The following MYH15 variants were observed in gnomAD, a reference collection of about 807,000 sequenced individuals.
MYH15 encodes the protein myosin-15.
Under a neutral mutation model 240.5 loss-of-function variants are expected in MYH15, and 227 were observed. The ratio of observed to expected loss-of-function variants is 0.94; its 90% CI spans 0.85 to 1.05. The LOEUF is 1.05. Among genes scored for constraint, MYH15 ranks in the 50% least tolerant of loss-of-function variants. The pLI is 0.00. For missense variants in MYH15, 2,217 were observed against 2,247.5 expected (o/e 0.99, Z 0.27); for synonymous variants, 785 against 796.7 (o/e 0.99, Z 0.25).
At chr3:108,489,460 G>A (rs2083330347) in intron 9 of MYH15, among the ~76,000 whole-genome samples, 2 of 152,288 alleles carry the variant, frequency 1.3e-5, no homozygotes, top group South Asian at 2.1e-4. Flanking sequence ...AAGAACTAAG[G>A]ATTTTGAATG....
chr3:108,470,764 C>G lies in MYH15; in HGVS notation c.1317G>C (p.Leu439=). ...KWLVARINRA[L]DAKLSRQFFI... ...AGAACTGCCTTGACAGCTTGGCATC[C>G]AGGGCCCTGTTGATCCGTGCCACTA... The change falls in exon 13 of 41, where the codon CTG becomes CTC. Residue 439 remains leucine (L), a synonymous_variant. Coordinates refer to ENST00000693548, the MANE Select transcript of MYH15 (RefSeq NM_014981.3). 1 of 1,613,822 alleles carries G rather than the reference C, an allele frequency of 6.2e-7. No homozygotes were observed. Among genetic ancestry groups the G allele is most frequent in the Non-Finnish European group, 8.5e-7 (1 of 1,179,854 alleles).
At chr3:108,464,565 C>A (rs2083097398) in intron 15 of MYH15, 73 bp downstream of exon 15, 3 of 1,365,740 alleles carry the variant, frequency 2.2e-6, no homozygotes, top group Admixed American at 2.2e-5. Flanking sequence ...TAAATATCAT[C>A]TAAGGACTTT....
chr3:108,415,362 A>G (rs1285639236), intron 29 of MYH15, among the ~76,000 whole-genome samples: 1 of 152,208 alleles, frequency 6.6e-6, no homozygotes, highest in Non-Finnish European at 1.5e-5. Flanking sequence ...AGGAGCCACA[A>G]TACACAATGA....
intron 21 of MYH15, among the ~76,000 whole-genome samples, chr3:108,453,189 C>G (rs2082989397): frequency 6.6e-6 from 1 of 152,172 alleles, no homozygotes; most frequent in South Asian, 2.1e-4. Context: ...TCCTAGAAGC[C>G]ATGTTCTGTG....
upstream of MYH15, among the ~76,000 whole-genome samples, chr3:108,531,820 AAAAT>A (rs574668708): frequency 2.6e-3 from 391 of 151,808 alleles, no homozygotes; most frequent in African/African-American, 8.8e-3. Flanking sequence ...AAATAAAATA[AAAAT>A]AAATACTTTA....
rs187501694 is a variant in MYH15 at position 108,464,675 on chromosome 3, A to T, written c.1694T>A (p.Phe565Tyr). 2 of 1,613,624 alleles carry T rather than the reference A, an allele frequency of 1.2e-6. No individual in the cohort carries two copies. Among genetic ancestry groups the T allele is most frequent in the South Asian group, 2.2e-5 (2 of 90,968 alleles). The change falls in exon 15 of 41, where the codon TTT becomes TAT. Residue 565 changes from phenylalanine (F) to tyrosine (Y), a missense_variant. Physicochemically the swap from Phe to Tyr is conservative, Grantham distance 22. Transcript: ENST00000693548. ...LQKPKPDKKK[F>Y]EAHFELVHYA... ...ATGGACAAGTTCAAAATGAGCTTCAAATTTCTTCTTATCAGGCTTGGGCTT... is the reference window on the plus strand; with the variant it reads ...ATGGACAAGTTCAAAATGAGCTTCATATTTCTTCTTATCAGGCTTGGGCTT...
At chr3:108,532,465 C>T (rs2083718254), upstream of MYH15, among the ~76,000 whole-genome samples, 1 of 152,152 alleles carries the variant, frequency 6.6e-6, no homozygotes, top group South Asian at 2.1e-4. Flanking sequence ...TCTATTCTTC[C>T]AGCTTTCAAA....
At position 108,408,334 on chromosome 3, in the gene MYH15, C is replaced by T. The variant is rs900443265; in HGVS notation, c.4566G>A (p.Lys1522=). The T allele has an allele frequency of 6.2e-7, 1 of 1,613,508 alleles. No individual in the cohort carries two copies. Among genetic ancestry groups the T allele is most frequent in the African/African-American group, 1.3e-5 (1 of 74,914 alleles). The change falls in exon 32 of 41, where the codon AAG becomes AAA. Residue 1522 remains lysine, a synonymous_variant. Coordinates refer to ENST00000693548, the MANE Select transcript of MYH15 (RefSeq NM_014981.3). ...CTGTCTTCTCTTCTTCAATTAGTTT[C>T]TTGACCTTTTCCATTTCAGTTAAGT... ...TKNLTEMEKV[K]KLIEEEKTEV...
intron 11 of MYH15, among the ~76,000 whole-genome samples, chr3:108,482,436 T>C (rs1267610979): frequency 6.6e-6 from 1 of 152,174 alleles, no homozygotes; most frequent in African/African-American, 2.4e-5. Flanking sequence ...TGGAGGAGAT[T>C]ACACATTTCA....
At chr3:108,453,366 C>G (rs988841694) in intron 21 of MYH15, among the ~76,000 whole-genome samples, 3 of 152,202 alleles carry the variant, frequency 2.0e-5, no homozygotes, top group African/African-American at 7.2e-5. Flanking sequence ...GATCTGTAGA[C>G]CTTTCTTCAG....
intron 29 of MYH15, among the ~76,000 whole-genome samples, chr3:108,416,232 A>G (rs796918323): frequency 1.7e-4 from 26 of 152,330 alleles, no homozygotes; most frequent in African/African-American, 6.3e-4. Context: ...CCTTCATAGT[A>G]TGGTCATGTA....
chr3:108,461,198 T>C (rs1360388831), intron 16 of MYH15, among the ~76,000 whole-genome samples: 1 of 152,166 alleles, frequency 6.6e-6, no homozygotes, highest in Non-Finnish European at 1.5e-5. Flanking sequence ...TCTCTGCGCC[T>C]GAGTAGCAAC....
At position 108,463,158 on chromosome 3, in the gene MYH15, T is replaced by C; in HGVS notation, c.1817A>G (p.Asn606Ser). The change falls in exon 16 of 41, where the codon AAC becomes AGC. Residue 606 changes from asparagine (N) to serine (S), a missense_variant. By Grantham distance (46) the Asn-to-Ser change is conservative (BLOSUM62 1). Coordinates refer to ENST00000693548, the MANE Select transcript of MYH15 (RefSeq NM_014981.3). Reference protein sequence around the residue: ...TVVAVFQKSSNRLLASLFENY... With the variant: ...TVVAVFQKSSSRLLASLFENY... Reference sequence around the variant, plus strand: ...TTCAAAAAGGCTCGCCAGGAGTCTGTTGGAAGACTTCTGAAATACAGCTAC... The same window carrying C: ...TTCAAAAAGGCTCGCCAGGAGTCTGCTGGAAGACTTCTGAAATACAGCTAC... 1.2e-6 allele frequency: 2 copies of C among 1,613,058 alleles called. No homozygotes were observed. Among genetic ancestry groups the C allele is most frequent in the Non-Finnish European group, 8.5e-7 (1 of 1,179,476 alleles).
At chr3:108,487,344 G>A (rs1462623452) in intron 9 of MYH15, among the ~76,000 whole-genome samples, 4 of 152,144 alleles carry the variant, frequency 2.6e-5, no homozygotes, top group Admixed American at 2.6e-4. Context: ...CTACATAAAT[G>A]TTCATAGCAG....
intron 11 of MYH15, among the ~76,000 whole-genome samples, chr3:108,481,863 G>A (rs1464989380): frequency 6.6e-6 from 1 of 152,202 alleles, no homozygotes; most frequent in Non-Finnish European, 1.5e-5. Context: ...TAAGGAAGCT[G>A]TGACAGGAAC....
intron 21 of MYH15, among the ~76,000 whole-genome samples, chr3:108,452,471 G>T (rs998052197): frequency 6.6e-6 from 1 of 151,890 alleles, no homozygotes; most frequent in Non-Finnish European, 1.5e-5. Context: ...TTATATAATG[G>T]AATACTATAC....
At position 108,492,488 on chromosome 3, in the gene MYH15, T is replaced by C; in HGVS notation, c.871+12A>G. 6.3e-7 allele frequency: 1 copy of C among 1,587,202 alleles called. No homozygotes were observed. ...TTTGGAATAACCCTAAGCTCCAGAA[T>C]CCTACACTTACCATGAAGCTCTTTT... is the stretch of plus-strand genomic sequence containing the variant. On this transcript the variant is annotated intron_variant, in intron 9 of 40. Coordinates refer to ENST00000693548, the MANE Select transcript of MYH15 (RefSeq NM_014981.3).
intron 37 of MYH15, among the ~76,000 whole-genome samples, chr3:108,391,223 T>A (rs1293656218): frequency 6.6e-6 from 1 of 152,226 alleles, no homozygotes; most frequent in African/African-American, 2.4e-5. Flanking sequence ...TAAAATTGAT[T>A]CAATAATTTT....
chr3:108,420,940 TG>T (rs2107554875), intron 28 of MYH15, 147 bp downstream of exon 28: 1 of 1,111,306 alleles, frequency 9.0e-7, no homozygotes, highest in South Asian at 1.5e-5. Context: ...GGCATGTGTG[TG>T]GCAAAGCTGT....
Sources: allele counts gnomAD v4.1 joint callset (sites outside exome capture counted in the v4.1 genomes callset), GRCh38; gene constraint gnomAD v4.1.1; transcripts MANE v1.5; gene names NCBI Gene and HGNC (gene_info 2026-07-23, HGNC 2026-07-21).